Variants in DNAH12 observed in about 807,000 individuals in gnomAD.
The protein encoded by DNAH12 is dynein axonemal heavy chain 12, also known as axonemal beta dynein heavy chain 12.
In DNAH12, 285 loss-of-function variants were observed where a neutral mutation model predicts 371.5. The ratio of observed to expected loss-of-function variants is 0.77; its 90% CI spans 0.70 to 0.85. The LOEUF (loss-of-function observed/expected upper bound fraction) is 0.85. DNAH12 is among the 40% of genes least tolerant of loss of function. The pLI, the probability that DNAH12 is intolerant of heterozygous loss-of-function variation, is 0.00. For synonymous variants in DNAH12, 1,200 were observed against 1,213.0 expected (o/e 0.99, Z 0.22); for missense variants, 3,611 against 3,689.4 (o/e 0.98, Z 0.55).
chr3:57,410,886 G>A (rs1234239397), intron 39 of DNAH12, among the ~76,000 whole-genome samples: 1 of 151,418 alleles, frequency 6.6e-6, no homozygotes, highest in African/African-American at 2.4e-5. Context: ...ACTTGGTAAG[G>A]AATATCTACA....
rs138463745 is a variant in DNAH12 at position 57,318,541 on chromosome 3, G to A, written c.10524+3802C>T. Among the ~76,000 whole-genome samples the A allele has an allele frequency of 1.2e-3, 175 of 151,886 alleles. 5 individuals are homozygous for A. In the East Asian group the frequency reaches 0.032, roughly 28 times the overall value. On this transcript the variant is annotated intron_variant, in intron 65 of 73. Transcript: ENST00000495027. ...TATGTCTGACTTTATACTAGTACAG[G>A]TTGAGCATCCTAAACCCCAAAACCC...
intron 51 of DNAH12, 130 bp downstream of exon 51, chr3:57,380,148 A>T (rs1462479065): frequency 1.3e-5 from 2 of 152,082 alleles, no homozygotes; most frequent in Admixed American, 6.6e-5. Context: ...TAAAGGTAAT[A>T]TCTCTTTATT....
chr3:57,523,746 A>T, intron 3 of DNAH12, 57 bp downstream of exon 3: 1 of 1,474,254 alleles, frequency 6.8e-7, no homozygotes, highest in Non-Finnish European at 9.2e-7. Flanking sequence ...AGATTGTCTT[A>T]ACTACAAATT....
intron 70 of DNAH12, among the ~76,000 whole-genome samples, chr3:57,299,872 A>G (rs1030776782): frequency 4.6e-5 from 7 of 152,180 alleles, no homozygotes; most frequent in Admixed American, 4.6e-4. Flanking sequence ...CTGACTAAAA[A>G]GGAGATCGAT....
rs1459004881 is a variant in DNAH12, at chr3:57,424,421, A to T, written c.5373+601T>A. On this transcript the variant is annotated intron_variant, in intron 35 of 73. Coordinates refer to ENST00000495027, the MANE Select transcript of DNAH12 (RefSeq NM_001366028.2). Reference sequence around the variant, plus strand: ...AGGAGGCAGAGGATGCAGTGAGCTGAGATCGCACCACTGCACTCCAGCCTG... The same window carrying T: ...AGGAGGCAGAGGATGCAGTGAGCTGTGATCGCACCACTGCACTCCAGCCTG... Among the ~76,000 whole-genome samples, 61 of 148,548 alleles carry T rather than the reference A, an allele frequency of 4.1e-4. 1 individual carries two copies. Among genetic ancestry groups the T allele is most frequent in the African/African-American group, 1.5e-3 (61 of 39,952 alleles).
At chr3:57,479,227 T>C (rs1197170299) in intron 13 of DNAH12, among the ~76,000 whole-genome samples, 1 of 152,024 alleles carries the variant, frequency 6.6e-6, no homozygotes, top group East Asian at 1.9e-4. Flanking sequence ...TGGAGGATGA[T>C]CTACCAAGCA....
At chr3:57,545,786 G>T (rs952426833), upstream of DNAH12, among the ~76,000 whole-genome samples, 1 of 152,064 alleles carries the variant, frequency 6.6e-6, no homozygotes, top group African/African-American at 2.4e-5. Flanking sequence ...TCCACAGATA[G>T]AAAAATCTCC....
Position 57,509,136 on chromosome 3 carries a change from T to C in DNAH12, c.542+4A>G. The C allele has an allele frequency of 6.2e-7, 1 of 1,604,356 alleles. No individual in the cohort carries two copies. The highest frequency in any genetic ancestry group is 8.5e-7 in the Non-Finnish European group (1 of 1,177,096). ...AAGTACTGTTTTTAAAATAATTTAC[T>C]CACACAGGAGATTCAGGTAAAGGAC... On this transcript the variant is annotated splice_donor_region_variant and intron_variant, in intron 6 of 73. Transcript: ENST00000495027.
In DNAH12 at chr3:57,438,918, C is replaced by CGAAAAA. The variant is rs562343761; in HGVS notation, c.4546-1859_4546-1858insTTTTTC. 2.4e-4 allele frequency among the ~76,000 whole-genome samples: 23 copies of CGAAAAA among 94,496 alleles called. 3 individuals are homozygous for CGAAAAA. The highest frequency in any genetic ancestry group is 1.0e-3 in the Admixed American group (8 of 7,714). The allele number at this position is 94,496 out of a possible 152,430, so 62.0% of individuals were successfully genotyped here. On this transcript the variant is annotated intron_variant, in intron 29 of 73. Transcript: ENST00000495027. ...CAACAGAGTGAAACTCTGTCTCAGA[C>CGAAAAA]AAAAAAAAAAAAAAGGAAAGCAACT...
intron 70 of DNAH12, among the ~76,000 whole-genome samples, chr3:57,299,310 G>A (rs1223842997): frequency 6.6e-6 from 1 of 152,166 alleles, no homozygotes; most frequent in East Asian, 1.9e-4. Flanking sequence ...GCCAGGCACT[G>A]TGCTAAACAT....
At chr3:57,313,088 G>A (rs2061612956) in intron 66 of DNAH12, among the ~76,000 whole-genome samples, 1 of 152,168 alleles carries the variant, frequency 6.6e-6, no homozygotes, top group Non-Finnish European at 1.5e-5. Flanking sequence ...CAAAAGAGCA[G>A]AAAAATATTA....
At chr3:57,303,753 C>A (rs1271852467) in intron 69 of DNAH12, among the ~76,000 whole-genome samples, 1 of 152,080 alleles carries the variant, frequency 6.6e-6, no homozygotes, top group East Asian at 1.9e-4. Flanking sequence ...ATTTAATAGT[C>A]TTTTCAGCTC....
intron 4 of DNAH12, among the ~76,000 whole-genome samples, chr3:57,511,229 G>A (rs1187164186): frequency 2.6e-5 from 4 of 151,966 alleles, no homozygotes; most frequent in East Asian, 1.9e-4. Flanking sequence ...AAGGCAAAAT[G>A]AAGATTCTTT....
rs910963013 is a variant in DNAH12, at chr3:57,446,156, T to C, written c.4054A>G (p.Ile1352Val). Residue 1352 changes from isoleucine to valine, a missense_variant, in exon 27 of 74, where the codon ATT becomes GTT. Coordinates refer to ENST00000495027, the MANE Select transcript of DNAH12 (RefSeq NM_001366028.2). ...ACAAACACAACCAACTTCTGTTGAA[T>C]AGCTCTCTGAATGCAAAGGATCTGT... is the stretch of plus-strand genomic sequence containing the variant. ...AQQILCIQRAIQQKLVVFVFE... is the reference protein window; with the variant it reads ...AQQILCIQRAVQQKLVVFVFE... The C allele has an allele frequency of 2.6e-6, 4 of 1,551,606 alleles. No individual in the cohort carries two copies. The African/African-American group carries it at 4.1e-5, about 16-fold the overall frequency.
chr3:57,494,800 G>A (rs1396072263), intron 11 of DNAH12, among the ~76,000 whole-genome samples: 4 of 151,982 alleles, frequency 2.6e-5, no homozygotes, highest in African/African-American at 9.7e-5. Context: ...CTTGAGCTCA[G>A]GAGTTTGAGA....
At chr3:57,354,416 GA>G (rs2062749771) in intron 59 of DNAH12, among the ~76,000 whole-genome samples, 1 of 151,634 alleles carries the variant, frequency 6.6e-6, no homozygotes, top group Non-Finnish European at 1.5e-5. Context: ...CCTGGGTGAT[GA>G]AATAATCTGT....
intron 4 of DNAH12, among the ~76,000 whole-genome samples, chr3:57,521,670 T>C (rs2068451600): frequency 6.6e-6 from 1 of 152,114 alleles, no homozygotes; most frequent in Non-Finnish European, 1.5e-5. Flanking sequence ...GTGGATCACT[T>C]GAGGTCAGGA....
At chr3:57,306,180 G>GC (rs2061466205) in intron 69 of DNAH12, among the ~76,000 whole-genome samples, 1 of 152,154 alleles carries the variant, frequency 6.6e-6, no homozygotes, top group African/African-American at 2.4e-5. Flanking sequence ...CGCCTCAGAA[G>GC]CCCCTAAACC....
intron 47 of DNAH12, among the ~76,000 whole-genome samples, chr3:57,385,833 AT>A (rs1263400549): frequency 2.0e-5 from 3 of 152,162 alleles, no homozygotes; most frequent in South Asian, 2.1e-4. Flanking sequence ...GTGAGCCGAG[AT>A]TGCACCATTG....
Sources: gnomAD v4.1 joint callset for allele counts (sites outside exome capture counted in the v4.1 genomes callset) on GRCh38, gnomAD v4.1.1 for gene constraint, MANE v1.5 for transcripts, NCBI Gene and HGNC (gene_info 2026-07-23, HGNC 2026-07-21) for gene names.